Variants in GABRG3 observed in about 807,000 individuals in gnomAD.
GABRG3 encodes the protein gamma-aminobutyric acid receptor subunit gamma-3.
A neutral mutation model predicts 48.8 loss-of-function variants in GABRG3; 25 were observed. That is an observed-to-expected ratio of 0.51 (90% CI 0.37 to 0.72). The LOEUF (loss-of-function observed/expected upper bound fraction) is 0.72. GABRG3 is among the 30% of genes least tolerant of loss of function. The probability of loss-of-function intolerance (pLI) is 0.00; values close to 1 mark genes in which losing one functional copy is unlikely to be tolerated. For missense variants in GABRG3, 394 were observed against 577.9 expected (o/e 0.68, Z 3.26); for synonymous variants, 227 against 217.6 (o/e 1.04, Z -0.38).
chr15:27,533,232 C>T lies in GABRG3; in HGVS notation c.*351C>T, dbSNP rs1891472663. 2 of 260,348 alleles carry T rather than the reference C, an allele frequency of 7.7e-6. No individual in the cohort carries two copies. The highest frequency in any genetic ancestry group is 1.5e-5 in the Non-Finnish European group (2 of 134,684). The allele number at this position is 260,348 out of a possible 1,614,324, so 16.1% of individuals were successfully genotyped here. On this transcript the variant is annotated 3_prime_UTR_variant, in exon 10 of 10. Coordinates refer to ENST00000615808, the MANE Select transcript of GABRG3 (RefSeq NM_033223.5). ...AATGTGCACGTGAATGTCTGAGATG[C>T]TCTCTCAGGCCTCTAGTCCTTCTGT... is the stretch of plus-strand genomic sequence containing the variant.
At chr15:27,065,116 C>T (rs796346050) in intron 3 of GABRG3, among the ~76,000 whole-genome samples, 12 of 152,270 alleles carry the variant, frequency 7.9e-5, no homozygotes, top group African/African-American at 2.4e-4. Flanking sequence ...ACTAGTCTCA[C>T]GTTGGCTGCC....
chr15:27,468,311 A>G (rs1006360962), intron 5 of GABRG3, among the ~76,000 whole-genome samples: 5 of 152,326 alleles, frequency 3.3e-5, no homozygotes, highest in African/African-American at 1.2e-4. Context: ...TTCTTTAACC[A>G]AGTGGTGGAA....
chr15:27,379,910 G>A lies in GABRG3; in HGVS notation c.574+51022G>A, dbSNP rs147138339. The stretch of plus-strand genomic sequence containing the variant: ...GGCCTGCTGCTGAGTTCCCGAATCC[G>A]TGATTTGGTGTCTGTCATTAATTTT... On this transcript the variant is annotated intron_variant, in intron 5 of 9. Transcript: ENST00000615808. 3.8e-4 allele frequency among the ~76,000 whole-genome samples: 57 copies of A among 151,822 alleles called. No homozygotes were observed. In the East Asian group the frequency reaches 7.3e-3, roughly 20 times the overall value.
At chr15:27,130,020 G>A (rs1275910934) in intron 3 of GABRG3, among the ~76,000 whole-genome samples, 1 of 151,972 alleles carries the variant, frequency 6.6e-6, no homozygotes, top group Non-Finnish European at 1.5e-5. Flanking sequence ...TTTTCACTTT[G>A]TTGATAGGGA....
intron 3 of GABRG3, among the ~76,000 whole-genome samples, chr15:27,164,847 C>T (rs1041800279): frequency 2.0e-5 from 3 of 152,138 alleles, no homozygotes; most frequent in Admixed American, 6.5e-5. Context: ...TGTACACATT[C>T]GTTAGTTCTT....
chr15:27,078,791 G>A (rs1896948974), intron 3 of GABRG3, among the ~76,000 whole-genome samples: 1 of 152,254 alleles, frequency 6.6e-6, no homozygotes, highest in African/African-American at 2.4e-5. Flanking sequence ...AAAGTGGTCA[G>A]TGTTGGGTTG....
intron 3 of GABRG3, among the ~76,000 whole-genome samples, chr15:27,300,691 A>G (rs933067010): frequency 6.6e-6 from 1 of 151,722 alleles, no homozygotes; most frequent in Non-Finnish European, 1.5e-5. Context: ...AAAAAAAAAA[A>G]AAAAAACACC....
chr15:27,352,783 C>T lies in GABRG3; in HGVS notation c.574+23895C>T, dbSNP rs1362286763. Among the ~76,000 whole-genome samples, 1 of 152,058 alleles carries T rather than the reference C, an allele frequency of 6.6e-6. No individual in the cohort carries two copies. The highest frequency in any genetic ancestry group is 1.5e-5 in the Non-Finnish European group (1 of 68,016). ...CACGCAGATGCATGGGGTGATATAG[C>T]GCAAGGTGGAGGGTGCAATATGGGG... On this transcript the variant is annotated intron_variant, in intron 5 of 9. Transcript: ENST00000615808. The surrounding 1 kb of genome is among the most constrained non-coding windows in gnomAD (Gnocchi z 4.0).
chr15:26,974,996 C>T lies in GABRG3; in HGVS notation c.54-2006C>T, dbSNP rs1894912732. On this transcript the variant is annotated intron_variant, in intron 1 of 9. Transcript: ENST00000615808. This position sits in a 1 kb window ranked among gnomAD's most constrained non-coding sequence, Gnocchi z 4.3. ...TCAAGCAATTCTCTTGCCTCAGCCT[C>T]CTGAATAGCCAGGACTACAGGCATG... is the stretch of plus-strand genomic sequence containing the variant. Among the ~76,000 whole-genome samples the T allele has an allele frequency of 6.6e-6, 1 of 151,652 alleles. No homozygotes were observed. Among genetic ancestry groups the T allele is most frequent in the Admixed American group, 6.6e-5 (1 of 15,216 alleles).
chr15:27,423,814 C>T (rs1888207959), intron 5 of GABRG3, among the ~76,000 whole-genome samples: 1 of 149,222 alleles, frequency 6.7e-6, no homozygotes, highest in Non-Finnish European at 1.5e-5. Flanking sequence ...GCAATCCTCC[C>T]ACCTGGTCCC....
chr15:27,232,895 A>G (rs776297111), intron 3 of GABRG3, among the ~76,000 whole-genome samples: 2 of 152,200 alleles, frequency 1.3e-5, no homozygotes, highest in Non-Finnish European at 1.5e-5. Context: ...TCCAGAGGAA[A>G]TGAGCTGGGA....
chr15:27,167,229 C>G (rs951532071), intron 3 of GABRG3, among the ~76,000 whole-genome samples: 2 of 152,258 alleles, frequency 1.3e-5, no homozygotes, highest in African/African-American at 2.4e-5. Context: ...GTCATGGGCC[C>G]CCTGATTCTT....
chr15:27,340,674 C>G (rs1447530525), intron 5 of GABRG3: 3 of 152,946 alleles, frequency 2.0e-5, no homozygotes, highest in Non-Finnish European at 4.4e-5. Context: ...AAAATGGAAC[C>G]AAAGCTTCAG....
At chr15:27,405,819 G>C (rs1887613656) in intron 5 of GABRG3, among the ~76,000 whole-genome samples, 1 of 150,154 alleles carries the variant, frequency 6.7e-6, no homozygotes, top group South Asian at 2.2e-4. Flanking sequence ...AATAAACTGG[G>C]ACTCCTTTAA....
intron 3 of GABRG3, among the ~76,000 whole-genome samples, chr15:27,211,968 C>A (rs1196980953): frequency 6.6e-6 from 1 of 152,188 alleles, no homozygotes; most frequent in Non-Finnish European, 1.5e-5. Context: ...TCTGTAAGAG[C>A]CTGGAGGCCG....
intron 3 of GABRG3, among the ~76,000 whole-genome samples, chr15:27,058,567 G>C (rs1896591967): frequency 6.6e-6 from 1 of 151,860 alleles, no homozygotes; most frequent in Non-Finnish European, 1.5e-5. Context: ...ATTCCCAACT[G>C]TCCGGCTACA....
intron 3 of GABRG3, chr15:27,295,272 G>C (rs535549828): frequency 6.6e-6 from 1 of 152,250 alleles, no homozygotes; most frequent in East Asian, 1.9e-4. Flanking sequence ...CTCCAGCTTG[G>C]AGTGGGAAAG....
chr15:27,264,980 A>G (rs17648892), intron 3 of GABRG3, among the ~76,000 whole-genome samples: 69,292 of 151,796 alleles, frequency 0.46, 18,177 homozygotes, highest in Non-Finnish European at 0.6. Flanking sequence ...TATTCCTCTA[A>G]TTTCTACAAT....
At chr15:27,318,880 C>T (rs938015347) in intron 3 of GABRG3, among the ~76,000 whole-genome samples, 1 of 152,110 alleles carries the variant, frequency 6.6e-6, no homozygotes, top group South Asian at 2.1e-4. Flanking sequence ...AGCGTGGTTA[C>T]CAGGACCTGG....
Sources: gnomAD v4.1 joint callset for allele counts (sites outside exome capture counted in the v4.1 genomes callset) on GRCh38, gnomAD v4.1.1 for gene constraint, Gnocchi (gnomAD v3.1) non-coding constraint, MANE v1.5 for transcripts, NCBI Gene and HGNC (gene_info 2026-07-23, HGNC 2026-07-21) for gene names.